NKAIN3: variants seen among roughly 807,000 people sequenced by gnomAD.
NKAIN3 encodes the protein sodium/potassium transporting ATPase interacting 3, also known as sodium/potassium-transporting ATPase subunit beta-1-interacting protein 3.
Under a neutral mutation model 30.2 loss-of-function variants are expected in NKAIN3, and 25 were observed. The ratio of observed to expected loss-of-function variants is 0.83; its 90% confidence interval spans 0.60 to 1.16. The LOEUF (loss-of-function observed/expected upper bound fraction) is 1.16. Ranked by LOEUF, NKAIN3 falls within the 50% of genes most tolerant of loss-of-function variation. The pLI is 0.00. For synonymous variants in NKAIN3, 91 were observed against 89.6 expected (o/e 1.02, Z -0.09); for missense variants, 225 against 254.1 (o/e 0.89, Z 0.78).
chr8:62,642,771 T>C (rs952605089), intron 3 of NKAIN3, among the ~76,000 whole-genome samples: 2 of 152,114 alleles, frequency 1.3e-5, no homozygotes, highest in African/African-American at 4.8e-5. Flanking sequence ...AATGAAATAA[T>C]GATGAGCTTT....
chr8:62,351,128 A>T (rs1306068467), intron 1 of NKAIN3, among the ~76,000 whole-genome samples: 1 of 149,126 alleles, frequency 6.7e-6, no homozygotes, highest in Non-Finnish European at 1.5e-5. Flanking sequence ...CATATATACT[A>T]TAAAAAGTTA....
At chr8:62,258,082 G>A (rs1812315722) in intron 1 of NKAIN3, among the ~76,000 whole-genome samples, 1 of 151,700 alleles carries the variant, frequency 6.6e-6, no homozygotes, top group African/African-American at 2.4e-5. Flanking sequence ...TACCTGTGTT[G>A]TAGCAATGTA....
chr8:62,794,809 C>T (rs983892711), intron 4 of NKAIN3, among the ~76,000 whole-genome samples: 2 of 152,174 alleles, frequency 1.3e-5, no homozygotes, highest in Admixed American at 6.6e-5. Context: ...GACACACGGA[C>T]TGTGAGTGCA....
At chr8:62,478,572 A>G (rs1421808987) in intron 1 of NKAIN3, among the ~76,000 whole-genome samples, 2 of 152,240 alleles carry the variant, frequency 1.3e-5, no homozygotes, top group Admixed American at 1.3e-4. Context: ...CAGCATGAAG[A>G]TAAGTGTTAC....
intron 1 of NKAIN3, among the ~76,000 whole-genome samples, chr8:62,485,989 G>A (rs1806887898): frequency 6.6e-6 from 1 of 152,164 alleles, no homozygotes; most frequent in African/African-American, 2.4e-5. Context: ...GTTGAATACA[G>A]GCAGTATAAA....
rs1395607313 is a variant in NKAIN3 at position 62,841,322 on chromosome 8, T to C, written c.472-77131T>C. 2.6e-5 allele frequency among the ~76,000 whole-genome samples: 4 copies of C among 152,218 alleles called. No individual in the cohort carries two copies. The East Asian group carries it at 7.7e-4, about 29-fold the overall frequency. ...TTCCCTTGCTTGACATTTTTTGTGATGACATCTTTGAAATTTACTCTCTTA... is the reference window on the plus strand; with the variant it reads ...TTCCCTTGCTTGACATTTTTTGTGACGACATCTTTGAAATTTACTCTCTTA... On this transcript the variant is annotated intron_variant, in intron 4 of 6. Coordinates refer to ENST00000623646, the MANE Select transcript of NKAIN3 (RefSeq NM_001304533.3).
chr8:62,735,657 C>A (rs534623805), intron 3 of NKAIN3, among the ~76,000 whole-genome samples: 1 of 152,234 alleles, frequency 6.6e-6, no homozygotes, highest in African/African-American at 2.4e-5. Context: ...TCAGCGATTT[C>A]TTCTTGGATC....
At chr8:62,418,486 T>G (rs1391715783) in intron 1 of NKAIN3, among the ~76,000 whole-genome samples, 1 of 152,182 alleles carries the variant, frequency 6.6e-6, no homozygotes, top group East Asian at 1.9e-4. Context: ...GGAGATAGAC[T>G]ATTGCTCCCA....
At chr8:62,561,931 A>C (rs1415134824) in intron 1 of NKAIN3, among the ~76,000 whole-genome samples, 1 of 152,166 alleles carries the variant, frequency 6.6e-6, no homozygotes, top group Non-Finnish European at 1.5e-5. Flanking sequence ...ATTGCCTATA[A>C]AATCATCAGA....
intron 3 of NKAIN3, among the ~76,000 whole-genome samples, chr8:62,654,632 C>A (rs1481204194): frequency 6.6e-6 from 1 of 152,158 alleles, no homozygotes; most frequent in Non-Finnish European, 1.5e-5. Flanking sequence ...TGAAGTTGAA[C>A]TTTATAAAGA....
chr8:62,771,694 T>G (rs1817016786), intron 4 of NKAIN3, among the ~76,000 whole-genome samples: 1 of 152,134 alleles, frequency 6.6e-6, no homozygotes, highest in Non-Finnish European at 1.5e-5. Flanking sequence ...TCAGGTAGGA[T>G]AAACACAAGG....
intron 3 of NKAIN3, among the ~76,000 whole-genome samples, chr8:62,652,965 A>G (rs2130336546): frequency 6.6e-6 from 1 of 152,230 alleles, no homozygotes; most frequent in East Asian, 1.9e-4. Context: ...AGAACCAGGA[A>G]AGGGGGAATG....
intron 3 of NKAIN3, among the ~76,000 whole-genome samples, chr8:62,592,693 G>T (rs113188907): frequency 0.021 from 3,172 of 151,922 alleles, 122 homozygotes; most frequent in African/African-American, 0.073. Context: ...AATAGTTAAT[G>T]TTATTTATAT....
chr8:62,410,688 T>C (rs920634986), intron 1 of NKAIN3, among the ~76,000 whole-genome samples: 1 of 152,104 alleles, frequency 6.6e-6, no homozygotes, highest in Non-Finnish European at 1.5e-5. Flanking sequence ...ACATTATAAT[T>C]GATCCCCACA....
At position 62,747,150 on chromosome 8, in the gene NKAIN3, A is replaced by G. The variant is rs972101974; in HGVS notation, c.471+21A>G. ...TCTCTGTAAGTGTCACTTTTGTGTC[A>G]TTATCTAATCAGAACTCTTCTTTGC... On this transcript the variant is annotated intron_variant, in intron 4 of 6. Coordinates refer to ENST00000623646, the MANE Select transcript of NKAIN3 (RefSeq NM_001304533.3). 8 of 1,520,596 alleles carry G rather than the reference A, an allele frequency of 5.3e-6. No homozygotes were observed. The Admixed American group carries it at 1.2e-4, about 22-fold the overall frequency. 94.2% of individuals were successfully genotyped at this position (1,520,596 alleles called of 1,614,324 possible). A position where few individuals can be genotyped will look rare whatever the true frequency, so the allele number is the denominator to read the frequency against.
intron 1 of NKAIN3, among the ~76,000 whole-genome samples, chr8:62,328,217 A>T (rs563124686): frequency 3.3e-5 from 5 of 152,272 alleles, no homozygotes; most frequent in Admixed American, 3.3e-4. Context: ...TATTACTATA[A>T]TAATGTGGTT....
intron 1 of NKAIN3, among the ~76,000 whole-genome samples, chr8:62,373,841 G>A (rs553928429): frequency 2.2e-4 from 33 of 151,972 alleles, no homozygotes; most frequent in Non-Finnish European, 4.0e-4. Context: ...GGCCGGGTGC[G>A]GTGGCCCATG....
chr8:62,457,522 A>T (rs1206106467), intron 1 of NKAIN3, among the ~76,000 whole-genome samples: 1 of 152,172 alleles, frequency 6.6e-6, no homozygotes, highest in Non-Finnish European at 1.5e-5. Context: ...TGTAACTTTG[A>T]TATAATTGAG....
chr8:62,804,155 T>G (rs968237389), intron 4 of NKAIN3, among the ~76,000 whole-genome samples: 3 of 152,112 alleles, frequency 2.0e-5, no homozygotes, highest in African/African-American at 7.2e-5. Context: ...CAGGACCAGA[T>G]GGATTCACAG....
Sources: gnomAD v4.1 joint callset for allele counts (sites outside exome capture counted in the v4.1 genomes callset) on GRCh38, gnomAD v4.1.1 for gene constraint, MANE v1.5 for transcripts, NCBI Gene and HGNC (gene_info 2026-07-23, HGNC 2026-07-21) for gene names.